Variants in ZNF469 observed in about 807,000 individuals in gnomAD.
ZNF469 encodes the protein zinc finger protein 469.
A neutral mutation model predicts 1.0 loss-of-function variants in ZNF469; 1 was observed. The ratio of observed to expected loss-of-function variants is 1.00; its 90% CI spans 0.35 to 4.73. ZNF469 has a LOEUF of 4.73. Ranked by LOEUF, ZNF469 falls within the 30% of genes most tolerant of loss-of-function variation. The probability of loss-of-function intolerance (pLI) is 0.16; values close to 1 mark genes in which losing one functional copy is unlikely to be tolerated. For missense variants in ZNF469, 6,100 were observed against 5,356.3 expected, an observed-to-expected ratio of 1.14 and a Z score of -4.33; for synonymous variants, 2,703 against 2,363.4, an observed-to-expected ratio of 1.14 and a Z score of -4.17.
the ZNF469 span, among the ~76,000 whole-genome samples, chr16:88,298,370 G>T: frequency 6.6e-6 from 1 of 152,174 alleles, no homozygotes; most frequent in Non-Finnish European, 1.5e-5. Context: ...GGGAAAGGGC[G>T]GATGACACAT....
At chr16:88,224,223 G>C in the ZNF469 span, among the ~76,000 whole-genome samples, 1 of 152,182 alleles carries the variant, frequency 6.6e-6, no homozygotes, top group African/African-American at 2.4e-5. Flanking sequence ...GCCACACACA[G>C]AACCAGCGGC....
chr16:88,419,658 G>A (rs895657430), intron 1 of ZNF469, among the ~76,000 whole-genome samples: 1 of 152,210 alleles, frequency 6.6e-6, no homozygotes, highest in African/African-American at 2.4e-5. Flanking sequence ...TTGAAGCGCC[G>A]TCTGCCCCCT....
the ZNF469 span, among the ~76,000 whole-genome samples, chr16:88,373,328 G>A: frequency 1.3e-5 from 2 of 152,222 alleles, no homozygotes; most frequent in Admixed American, 6.5e-5. Context: ...GACAGGATGT[G>A]TTAGGTGGTT....
At chr16:88,196,120 G>A in the ZNF469 span, among the ~76,000 whole-genome samples, 3 of 152,234 alleles carry the variant, frequency 2.0e-5, no homozygotes, top group African/African-American at 7.2e-5. Context: ...GCCTTTCTGT[G>A]TGTAGGTGGC....
chr16:88,184,896 C>T, the ZNF469 span, among the ~76,000 whole-genome samples: 1 of 152,234 alleles, frequency 6.6e-6, no homozygotes, highest in African/African-American at 2.4e-5. Flanking sequence ...AAATGCAATC[C>T]ACATGCACAC....
At chr16:88,375,237 A>G in the ZNF469 span, among the ~76,000 whole-genome samples, 1 of 152,204 alleles carries the variant, frequency 6.6e-6, no homozygotes, top group East Asian at 1.9e-4. Context: ...CTCCATCCGG[A>G]CTCAGGCTGG....
chr16:88,431,048 A>G lies in ZNF469; in HGVS notation c.3578A>G (p.Asp1193Gly). The change falls in exon 3 of 3, where the codon GAT becomes GGT. Residue 1193 changes from aspartate (D) to glycine (G), a missense_variant. Coordinates refer to ENST00000565624, the MANE Select transcript of ZNF469 (RefSeq NM_001367624.2). ...AGGGAGGGAGGCCCCAAGTGTGCTGATCGCCCCTCAGTGGCCCCCAAGGAT... is the reference window on the plus strand; with the variant it reads ...AGGGAGGGAGGCCCCAAGTGTGCTGGTCGCCCCTCAGTGGCCCCCAAGGAT... ...AAREGGPKCA[D>G]RPSVAPKDPL... The G allele has an allele frequency of 6.5e-7, 1 of 1,548,268 alleles. No homozygotes were observed. The highest frequency in any genetic ancestry group is 8.7e-7 in the Non-Finnish European group (1 of 1,146,742).
Position 88,431,897 on chromosome 16 carries a change from G to A in ZNF469, c.4427G>A (p.Arg1476Lys), listed in dbSNP as rs763632522. The A allele has an allele frequency of 3.2e-5, 50 of 1,549,682 alleles. No homozygotes were observed. The highest frequency in any genetic ancestry group is 4.3e-5 in the Non-Finnish European group (49 of 1,146,864). Reference sequence around the variant, plus strand: ...CTCTATGGCAGCCTGTCTGCGAACAGGGACTCCGGTCTGCCGTTCGCATGT... The same window carrying A: ...CTCTATGGCAGCCTGTCTGCGAACAAGGACTCCGGTCTGCCGTTCGCATGT... ...PPLYGSLSANRDSGLPFACAD... is the reference protein window; with the variant it reads ...PPLYGSLSANKDSGLPFACAD... The change falls in exon 3 of 3, where the codon AGG becomes AAG. Residue 1476 changes from arginine to lysine, a missense_variant. Physicochemically the swap from Arg to Lys is conservative, Grantham distance 26 (BLOSUM62 2). Coordinates refer to ENST00000565624, the MANE Select transcript of ZNF469 (RefSeq NM_001367624.2).
the ZNF469 span, among the ~76,000 whole-genome samples, chr16:88,299,690 T>C: frequency 0.68 from 103,920 of 152,060 alleles, 35,933 homozygotes; most frequent in East Asian, 0.93. Flanking sequence ...CTGCCCCACC[T>C]GGATGAGCTG....
chr16:88,270,100 A>T, the ZNF469 span, among the ~76,000 whole-genome samples: 1 of 151,838 alleles, frequency 6.6e-6, no homozygotes, highest in Non-Finnish European at 1.5e-5. Flanking sequence ...TTTTTCTTGG[A>T]GGTAAATTGC....
the ZNF469 span, among the ~76,000 whole-genome samples, chr16:88,288,542 A>G: frequency 0.015 from 2,329 of 152,322 alleles, 35 homozygotes; most frequent in Non-Finnish European, 0.024. Context: ...ACATTTATTC[A>G]TTAATTCAGC....
At chr16:88,113,298 G>C in the ZNF469 span, among the ~76,000 whole-genome samples, 11 of 152,292 alleles carry the variant, frequency 7.2e-5, no homozygotes, top group African/African-American at 2.4e-4. Context: ...TAGGGGTCTC[G>C]TTTCACTCTT....
chr16:88,235,712 C>T, the ZNF469 span, among the ~76,000 whole-genome samples: 3 of 152,170 alleles, frequency 2.0e-5, no homozygotes, highest in Non-Finnish European at 4.4e-5. Context: ...GGACTTGTTG[C>T]TGAAAAAAAC....
At chr16:88,363,598 C>G in the ZNF469 span, among the ~76,000 whole-genome samples, 46 of 152,350 alleles carry the variant, frequency 3.0e-4, no homozygotes, top group African/African-American at 1.0e-3. Flanking sequence ...ATCTCCTCTC[C>G]TCAGTTTTCA....
At chr16:88,370,753 A>G in the ZNF469 span, among the ~76,000 whole-genome samples, 10 of 152,176 alleles carry the variant, frequency 6.6e-5, no homozygotes, top group Non-Finnish European at 4.4e-5. Context: ...GAGCTGTGGG[A>G]AGGGTGGGTG....
intron 1 of ZNF469, among the ~76,000 whole-genome samples, chr16:88,397,854 C>T (rs1258686999): frequency 6.6e-6 from 1 of 152,192 alleles, no homozygotes; most frequent in East Asian, 1.9e-4. Context: ...GGAGACTGTG[C>T]CTGGGAGTGA....
At chr16:88,311,241 A>G in the ZNF469 span, among the ~76,000 whole-genome samples, 3 of 152,196 alleles carry the variant, frequency 2.0e-5, no homozygotes, top group Non-Finnish European at 4.4e-5. Flanking sequence ...CATCAACAGG[A>G]TGCATCGCAG....
the ZNF469 span, among the ~76,000 whole-genome samples, chr16:88,106,035 C>G: frequency 6.6e-6 from 1 of 152,228 alleles, no homozygotes; most frequent in African/African-American, 2.4e-5. Flanking sequence ...GAGCTGCCTC[C>G]TGGGTCAGCC....
At chr16:88,425,728 C>T (rs560122317) in intron 2 of ZNF469, among the ~76,000 whole-genome samples, 2 of 152,374 alleles carry the variant, frequency 1.3e-5, no homozygotes, top group East Asian at 3.9e-4. Flanking sequence ...CCCAAGGACT[C>T]CCAGGCCTTT....
Sources: gnomAD v4.1 joint callset for allele counts (sites outside exome capture counted in the v4.1 genomes callset) on GRCh38, gnomAD v4.1.1 for gene constraint, MANE v1.5 for transcripts, NCBI Gene and HGNC (gene_info 2026-07-23, HGNC 2026-07-21) for gene names.